Variants in KANSL1L observed in about 807,000 individuals in gnomAD.
The protein encoded by KANSL1L is KAT8 regulatory NSL complex subunit 1 like, also known as KAT8 regulatory NSL complex subunit 1-like protein.
KANSL1L carries 25 observed loss-of-function variants against 108.6 expected under a neutral mutation model. The ratio of observed to expected loss-of-function variants is 0.23; its 90% confidence interval spans 0.17 to 0.32. KANSL1L has a LOEUF of 0.32. Among genes scored for constraint, KANSL1L ranks in the 10% least tolerant of loss-of-function variants. The pLI, the probability that KANSL1L is intolerant of heterozygous loss-of-function variation, is 1.00. For synonymous variants in KANSL1L, 405 were observed against 395.1 expected, an observed-to-expected ratio of 1.03 and a Z score of -0.30; for missense variants, 1,137 against 1,125.7, an observed-to-expected ratio of 1.01 and a Z score of -0.14.
chr2:210,056,546 T>G (rs2094353062), intron 6 of KANSL1L, among the ~76,000 whole-genome samples: 1 of 152,182 alleles, frequency 6.6e-6, no homozygotes, highest in South Asian at 2.1e-4. Flanking sequence ...AGTGGTATGA[T>G]CTCGGTTCAC....
intron 3 of KANSL1L, among the ~76,000 whole-genome samples, chr2:210,128,722 A>C (rs1368564120): frequency 6.6e-6 from 1 of 152,198 alleles, no homozygotes; most frequent in East Asian, 1.9e-4. Flanking sequence ...CTATACACTC[A>C]AAAATGGTTA....
intron 3 of KANSL1L, among the ~76,000 whole-genome samples, chr2:210,106,736 T>C (rs1054602678): frequency 1.4e-5 from 2 of 144,662 alleles, no homozygotes; most frequent in Admixed American, 7.2e-5. Flanking sequence ...ACCACTGCAC[T>C]CCAGCCTGGG....
intron 3 of KANSL1L, among the ~76,000 whole-genome samples, chr2:210,117,602 G>C (rs1042343425): frequency 2.0e-5 from 3 of 151,984 alleles, no homozygotes; most frequent in Non-Finnish European, 4.4e-5. Flanking sequence ...CATATTTAAA[G>C]TGCTGAAAGA....
intron 3 of KANSL1L, among the ~76,000 whole-genome samples, chr2:210,126,554 C>A (rs1049267179): frequency 1.3e-5 from 2 of 152,028 alleles, no homozygotes; most frequent in Middle Eastern, 3.4e-3. Flanking sequence ...GTGGCCCACA[C>A]CTGTAATCCC....
At chr2:210,096,253 T>C (rs1056831618) in intron 5 of KANSL1L, among the ~76,000 whole-genome samples, 22 of 152,184 alleles carry the variant, frequency 1.4e-4, no homozygotes, top group African/African-American at 4.8e-4. Flanking sequence ...ATGAGGTATC[T>C]TTTTCAAGTG....
chr2:210,087,734 A>G (rs1174854238), intron 5 of KANSL1L, among the ~76,000 whole-genome samples: 6 of 152,190 alleles, frequency 3.9e-5, no homozygotes, highest in Non-Finnish European at 7.4e-5. Context: ...AAGCACGTAA[A>G]AAATTAACAA....
Position 210,133,671 on chromosome 2 carries a change from ATACAAACATG to A in KANSL1L, c.1089-4509_1089-4500del, listed in dbSNP as rs1354574495. The stretch of plus-strand genomic sequence containing the variant: ...CAGACTACACTATTCTCCTTTCCTA[ATACAAACATG>A]TATAGCCATACAGCATTGCTTCAGT... On this transcript the variant is annotated intron_variant, in intron 2 of 14. Coordinates refer to ENST00000281772, the MANE Select transcript of KANSL1L (RefSeq NM_152519.4). Among the ~76,000 whole-genome samples the A allele has an allele frequency of 7.2e-5, 11 of 152,184 alleles. No homozygotes were observed. The South Asian group carries it at 2.3e-3, about 32-fold the overall frequency.
chr2:210,056,713 T>A (rs1236201258), intron 6 of KANSL1L, among the ~76,000 whole-genome samples: 3 of 152,160 alleles, frequency 2.0e-5, no homozygotes, highest in Non-Finnish European at 4.4e-5. Context: ...ACTCCTGACC[T>A]CAAGTGATCT....
intron 3 of KANSL1L, among the ~76,000 whole-genome samples, chr2:210,128,230 T>C (rs1048062013): frequency 2.0e-5 from 3 of 152,146 alleles, no homozygotes; most frequent in Non-Finnish European, 4.4e-5. Flanking sequence ...AAAAATAAAG[T>C]TCCCATATGA....
chr2:210,153,976 C>T lies in KANSL1L; in HGVS notation c.607G>A (p.Gly203Ser), dbSNP rs1421788131. ...GAACTAACAGGCACATTTGAGTGGC[C>T]AGGTACAATTTTCTTTTGAGTACAG... is the stretch of plus-strand genomic sequence containing the variant. The part of the protein sequence containing the change: ...LHCTQKKIVP[G>S]HSNVPVSSSA... Residue 203 changes from glycine to serine, a missense_variant, in exon 2 of 15, where the codon GGC becomes AGC. Gly to Ser is a moderately conservative substitution (Grantham distance 56). Coordinates refer to ENST00000281772, the MANE Select transcript of KANSL1L (RefSeq NM_152519.4). 1 of 1,613,590 alleles carries T rather than the reference C, an allele frequency of 6.2e-7. No individual in the cohort carries two copies. The highest frequency in any genetic ancestry group is 1.7e-5 in the Admixed American group (1 of 60,010).
At chr2:210,114,138 C>A (rs1397068923) in intron 3 of KANSL1L, among the ~76,000 whole-genome samples, 1 of 152,082 alleles carries the variant, frequency 6.6e-6, no homozygotes, top group Non-Finnish European at 1.5e-5. Context: ...ATATTATAAT[C>A]AAACTACTGA....
rs538719986 is a variant in KANSL1L, at chr2:210,034,547, G to A, written c.2030-3001C>T. Among the ~76,000 whole-genome samples the A allele has an allele frequency of 4.6e-5, 7 of 152,300 alleles. No individual in the cohort carries two copies. In the South Asian group the frequency reaches 6.2e-4, roughly 14 times the overall value. On this transcript the variant is annotated intron_variant, in intron 8 of 14. Transcript: ENST00000281772. Reference sequence around the variant, plus strand: ...TATTCCTTCTCGAATGATTTAAAGGGATGGGGTGGGGAGCAGGTGTGACAT... The same window carrying A: ...TATTCCTTCTCGAATGATTTAAAGGAATGGGGTGGGGAGCAGGTGTGACAT...
In KANSL1L at chr2:210,021,673, C is replaced by G. The variant is rs920319222; in HGVS notation, c.*1276G>C. ...TTAGTGTCAAATCTCACAGATAAGGCCAAATGGCCAATATTTTCAGTTATG... is the reference window on the plus strand; with the variant it reads ...TTAGTGTCAAATCTCACAGATAAGGGCAAATGGCCAATATTTTCAGTTATG... On this transcript the variant is annotated 3_prime_UTR_variant, in exon 15 of 15. Transcript: ENST00000281772. 2.0e-5 allele frequency: 3 copies of G among 152,404 alleles called. No individual in the cohort carries two copies. Among genetic ancestry groups the G allele is most frequent in the African/African-American group, 7.2e-5 (3 of 41,418 alleles). The allele number at this position is 152,404 out of a possible 1,614,324, so 9.4% of individuals were successfully genotyped here.
intron 1 of KANSL1L, among the ~76,000 whole-genome samples, chr2:210,169,865 CTT>C (rs1194589805): frequency 6.6e-6 from 1 of 152,168 alleles, no homozygotes; most frequent in Non-Finnish European, 1.5e-5. Flanking sequence ...AAAAAATTCA[CTT>C]TTGTTATAAA....
At chr2:210,057,467 T>C (rs1438952981) in intron 6 of KANSL1L, among the ~76,000 whole-genome samples, 1 of 152,116 alleles carries the variant, frequency 6.6e-6, no homozygotes, top group African/African-American at 2.4e-5. Context: ...TTTGGGAGGC[T>C]GAGACAGGCA....
At chr2:210,152,997 A>G (rs1450544898) in intron 2 of KANSL1L, 1 of 153,254 alleles carries the variant, frequency 6.5e-6, no homozygotes, top group African/African-American at 2.4e-5. Context: ...TAGTATGTAT[A>G]TACTCACACA....
chr2:210,103,875 C>A, intron 4 of KANSL1L: 1 of 228,864 alleles, frequency 4.4e-6, no homozygotes, highest in Non-Finnish European at 8.3e-6. Flanking sequence ...CATCCTATAG[C>A]CATACCAATT....
At chr2:210,043,903 A>G (rs745405421) in intron 7 of KANSL1L, 36 bp downstream of exon 7, 2 of 1,402,344 alleles carry the variant, frequency 1.4e-6, no homozygotes, top group Admixed American at 2.2e-5. Context: ...AGTACAGAAA[A>G]TATCGTTACT....
At chr2:210,108,337 A>G in intron 3 of KANSL1L, among the ~76,000 whole-genome samples, 1 of 152,210 alleles carries the variant, frequency 6.6e-6, no homozygotes, top group East Asian at 1.9e-4. Flanking sequence ...GAAAAAGGTA[A>G]GGTCATATAA....
Sources: gnomAD v4.1 joint callset for allele counts (sites outside exome capture counted in the v4.1 genomes callset) on GRCh38, gnomAD v4.1.1 for gene constraint, MANE v1.5 for transcripts, NCBI Gene and HGNC (gene_info 2026-07-23, HGNC 2026-07-21) for gene names.